Variants in PRKG1 observed in about 807,000 individuals in gnomAD.
PRKG1 encodes the protein protein kinase cGMP-dependent 1.
In PRKG1, 35 loss-of-function variants were observed where a neutral mutation model predicts 88.1. The observed-to-expected ratio is 0.40, with a 90% CI of 0.30 to 0.53. The LOEUF is 0.53. PRKG1 is among the 20% of genes least tolerant of loss of function. The pLI, the probability that PRKG1 is intolerant of heterozygous loss-of-function variation, is 0.59. For synonymous variants in PRKG1, 303 were observed against 292.5 expected (o/e 1.04, Z -0.37); for missense variants, 540 against 839.8 (o/e 0.64, Z 4.41).
chr10:51,374,093 A>AAAAAAAAATATATATATATATATATATAT, intron 2 of PRKG1, among the ~76,000 whole-genome samples: 33 of 100,150 alleles, frequency 3.3e-4, no homozygotes, highest in Non-Finnish European at 4.4e-4. Flanking sequence ...AAAAAAAAAA[A>AAAAAAAAATATATATATATATATATATAT]ATATATATAT....
intron 2 of PRKG1, among the ~76,000 whole-genome samples, chr10:51,405,336 T>C (rs1837879683): frequency 6.6e-6 from 1 of 152,208 alleles, no homozygotes; most frequent in Non-Finnish European, 1.5e-5. Context: ...ATGAGGCCTT[T>C]TCTTCCTTTA....
At chr10:51,594,011 C>A (rs1651149019) in intron 3 of PRKG1, among the ~76,000 whole-genome samples, 1 of 151,998 alleles carries the variant, frequency 6.6e-6, no homozygotes, top group Admixed American at 6.6e-5. Context: ...CAGGTGTGGG[C>A]CACCGTGCCT....
intron 1 of PRKG1, among the ~76,000 whole-genome samples, chr10:51,047,137 T>A (rs1326294269): frequency 6.6e-6 from 1 of 152,154 alleles, no homozygotes; most frequent in Non-Finnish European, 1.5e-5. Flanking sequence ...CACTTATTGG[T>A]CTTTTAGCTG....
In PRKG1 at chr10:51,497,496, T is replaced by C. The variant is rs140829651; in HGVS notation, c.592+29660T>C. Among the ~76,000 whole-genome samples, 58 of 152,276 alleles carry C rather than the reference T, an allele frequency of 3.8e-4. 1 individual carries two copies. Among genetic ancestry groups the C allele is most frequent in the Admixed American group, 7.2e-4 (11 of 15,290 alleles). Reference sequence around the variant, plus strand: ...AGACTATTTAATGTGAAATTACAAATGTGATGCATGCTGCAATTAGAGAAG... The same window carrying C: ...AGACTATTTAATGTGAAATTACAAACGTGATGCATGCTGCAATTAGAGAAG... On this transcript the variant is annotated intron_variant, in intron 3 of 17. Coordinates refer to ENST00000373980, the MANE Select transcript of PRKG1 (RefSeq NM_006258.4).
chr10:51,578,980 G>GC (rs1837957931), intron 3 of PRKG1, among the ~76,000 whole-genome samples: 1 of 77,828 alleles, frequency 1.3e-5, no homozygotes, highest in Non-Finnish European at 2.5e-5. Flanking sequence ...AGTTCTGTTG[G>GC]TTTTTTTTTT....
rs554159369 is a variant in PRKG1, at chr10:51,978,431, G to A, written c.762+70861G>A. ...TTGCTTAGGATTGCCTTGGCCATTCGGGCTCTTTTTTTTTTTTTTTTTAGC... is the reference window on the plus strand; with the variant it reads ...TTGCTTAGGATTGCCTTGGCCATTCAGGCTCTTTTTTTTTTTTTTTTTAGC... On this transcript the variant is annotated intron_variant, in intron 5 of 17. Transcript: ENST00000373980. Among the ~76,000 whole-genome samples the A allele has an allele frequency of 8.4e-5, 10 of 119,552 alleles. No individual in the cohort carries two copies. In the South Asian group the frequency reaches 2.5e-3, roughly 30 times the overall value. The allele number at this position is 119,552 out of a possible 152,430, so 78.4% of individuals were successfully genotyped here.
At chr10:51,573,649 T>C (rs1837812394) in intron 3 of PRKG1, among the ~76,000 whole-genome samples, 1 of 151,864 alleles carries the variant, frequency 6.6e-6, no homozygotes, top group Non-Finnish European at 1.5e-5. Context: ...TTGTATTTTT[T>C]TTCTTGAACA....
At chr10:51,703,973 C>T (rs569881814) in intron 3 of PRKG1, among the ~76,000 whole-genome samples, 3 of 151,680 alleles carry the variant, frequency 2.0e-5, no homozygotes, top group Admixed American at 6.6e-5. Flanking sequence ...GGTGAAACCC[C>T]GTGTCTACTA....
At chr10:51,680,287 T>TAATA (rs1840819059) in intron 3 of PRKG1, among the ~76,000 whole-genome samples, 1 of 144,882 alleles carries the variant, frequency 6.9e-6, no homozygotes, top group Non-Finnish European at 1.5e-5. Flanking sequence ...TAAAGTATAA[T>TAATA]AAAAAAAAAA....
chr10:52,153,909 C>T (rs1838011670), intron 8 of PRKG1, among the ~76,000 whole-genome samples: 1 of 151,994 alleles, frequency 6.6e-6, no homozygotes, highest in South Asian at 2.1e-4. Flanking sequence ...CCATGCCTGA[C>T]TAATTTTGTA....
intron 2 of PRKG1, among the ~76,000 whole-genome samples, chr10:51,446,626 AC>A (rs1417910945): frequency 6.6e-6 from 1 of 152,048 alleles, no homozygotes; most frequent in Non-Finnish European, 1.5e-5. Context: ...GAAAGTTGCC[AC>A]CTTGAATTTT....
intron 7 of PRKG1, among the ~76,000 whole-genome samples, chr10:52,132,093 G>A (rs10458658): frequency 0.97 from 146,998 of 152,066 alleles, 71,214 homozygotes; most frequent in East Asian, 1. Flanking sequence ...TTTAAATATC[G>A]GGACCCAAGT....
At chr10:52,258,833 A>G (rs1314302099) in intron 10 of PRKG1, among the ~76,000 whole-genome samples, 1 of 152,100 alleles carries the variant, frequency 6.6e-6, no homozygotes, top group Non-Finnish European at 1.5e-5. Flanking sequence ...TCATCAGGAG[A>G]GAGGTCATTT....
In PRKG1 at chr10:51,256,861, T is replaced by C. The variant is rs1839574136; in HGVS notation, c.478+103531T>C. On this transcript the variant is annotated intron_variant, in intron 2 of 17. Coordinates refer to ENST00000373980, the MANE Select transcript of PRKG1 (RefSeq NM_006258.4). ...ACTATGGGGGAAGCTATTGAAACTCTATGGGCAGGATTTTGACATAAAAAA... is the reference window on the plus strand; with the variant it reads ...ACTATGGGGGAAGCTATTGAAACTCCATGGGCAGGATTTTGACATAAAAAA... 2.0e-5 allele frequency among the ~76,000 whole-genome samples: 3 copies of C among 152,222 alleles called. No individual in the cohort carries two copies. In the South Asian group the frequency reaches 6.2e-4, roughly 32 times the overall value.
At chr10:51,368,775 C>T (rs1842640852) in intron 2 of PRKG1, among the ~76,000 whole-genome samples, 1 of 152,016 alleles carries the variant, frequency 6.6e-6, no homozygotes, top group Non-Finnish European at 1.5e-5. Flanking sequence ...AATCGTTTTG[C>T]CACACTGGAG....
chr10:51,455,972 A>G (rs1359378952), intron 2 of PRKG1, among the ~76,000 whole-genome samples: 2 of 152,076 alleles, frequency 1.3e-5, no homozygotes, highest in African/African-American at 4.8e-5. Context: ...GTACCAATTC[A>G]CTATATTAGT....
intron 7 of PRKG1, among the ~76,000 whole-genome samples, chr10:52,083,485 C>T (rs571420962): frequency 2.6e-5 from 4 of 152,014 alleles, no homozygotes; most frequent in Non-Finnish European, 5.9e-5. Flanking sequence ...TAGAACAGGA[C>T]CGGAACATAA....
intron 2 of PRKG1, chr10:51,299,513 G>A (rs370810068): frequency 2.1e-6 from 1 of 465,392 alleles, no homozygotes; most frequent in African/African-American, 2.0e-5. Context: ...GCCTCTTTTT[G>A]CTCATTCTTT....
At chr10:51,077,389 C>T (rs532248434) in intron 1 of PRKG1, among the ~76,000 whole-genome samples, 80 of 152,182 alleles carry the variant, frequency 5.3e-4, no homozygotes, top group African/African-American at 1.6e-3. Context: ...TTCCAGTTTA[C>T]GTTCATGCTA....
Sources: gnomAD v4.1 joint callset for allele counts (sites outside exome capture counted in the v4.1 genomes callset) on GRCh38, gnomAD v4.1.1 for gene constraint, MANE v1.5 for transcripts, NCBI Gene and HGNC (gene_info 2026-07-23, HGNC 2026-07-21) for gene names.